Variants in RTN4RL1 observed in about 807,000 individuals in gnomAD.
RTN4RL1 encodes reticulon-4 receptor-like 1.
Under a neutral mutation model 25.6 loss-of-function variants are expected in RTN4RL1, and 7 were observed. That is an observed-to-expected ratio of 0.27 (90% CI 0.16 to 0.51). RTN4RL1 has a LOEUF of 0.51. Ranked by LOEUF, RTN4RL1 falls within the 20% of genes least tolerant of loss-of-function variation. The pLI, the probability that RTN4RL1 is intolerant of heterozygous loss-of-function variation, is 0.97. For missense variants in RTN4RL1, 500 were observed against 615.6 expected, an observed-to-expected ratio of 0.81 and a Z score of 1.99; for synonymous variants, 297 against 288.2, an observed-to-expected ratio of 1.03 and a Z score of -0.31.
chr17:1,999,068 C>G (rs1322233261), intron 1 of RTN4RL1, among the ~76,000 whole-genome samples: 1 of 150,140 alleles, frequency 6.7e-6, no homozygotes, highest in Non-Finnish European at 1.5e-5. Context: ...GCTGCTCACG[C>G]CAGTCTACAC....
chr17:1,937,127 C>G lies in RTN4RL1; in HGVS notation c.695G>C (p.Ser232Thr), dbSNP rs565712676. ...RLTTLFLFNN[S>T]LSELQGECLA... ...GCACTCACCCTGCAGCTCCGAGAGG[C>G]TGTTGTTGAAGAGGAAGAGGGTGGT... Residue 232 changes from serine to threonine, a missense_variant, in exon 2 of 2, where the codon AGC becomes ACC. Ser to Thr is a moderately conservative substitution (Grantham distance 58). Coordinates refer to ENST00000331238, the MANE Select transcript of RTN4RL1 (RefSeq NM_178568.4). 3 of 1,610,872 alleles carry G rather than the reference C, an allele frequency of 1.9e-6. No homozygotes were observed. The highest frequency in any genetic ancestry group is 2.2e-5 in the South Asian group (2 of 90,720).
At chr17:1,967,556 G>A (rs1020615409) in intron 1 of RTN4RL1, among the ~76,000 whole-genome samples, 4 of 150,610 alleles carry the variant, frequency 2.7e-5, no homozygotes, top group African/African-American at 7.3e-5. Context: ...CTCCCTCTTC[G>A]AGCCCTACAC....
At chr17:1,953,436 G>A (rs1915724881) in intron 1 of RTN4RL1, among the ~76,000 whole-genome samples, 2 of 152,162 alleles carry the variant, frequency 1.3e-5, no homozygotes, top group South Asian at 4.1e-4. Flanking sequence ...ATAGCATTAG[G>A]AGATATACCT....
intron 1 of RTN4RL1, among the ~76,000 whole-genome samples, chr17:1,978,105 G>A (rs372704223): frequency 5.3e-5 from 8 of 152,352 alleles, no homozygotes; most frequent in African/African-American, 1.9e-4. Flanking sequence ...GCACTCTCGG[G>A]GAGGGAGGAA....
At chr17:1,961,174 A>T (rs1042954423) in intron 1 of RTN4RL1, among the ~76,000 whole-genome samples, 1 of 152,232 alleles carries the variant, frequency 6.6e-6, no homozygotes, top group South Asian at 2.1e-4. Context: ...ACTCGGATGA[A>T]GCCATCTACA....
intron 1 of RTN4RL1, among the ~76,000 whole-genome samples, chr17:2,007,374 A>T (rs187731276): frequency 7.0e-5 from 10 of 142,486 alleles, no homozygotes; most frequent in Non-Finnish European, 1.2e-4. Context: ...ACACACACAC[A>T]CTCTTCCTCT....
In RTN4RL1 at chr17:2,025,152, T is replaced by C. The variant is rs2067255124; in HGVS notation, c.-287A>G. ...CTCCGCGGAGCCGGCGGCCTGCTTC[T>C]GCCACCCGGAGCACTTCGCAGGCGG... On this transcript the variant is annotated 5_prime_UTR_variant, in exon 1 of 2. Transcript: ENST00000331238. This position sits in a 1 kb window ranked among gnomAD's most constrained non-coding sequence, Gnocchi z 4.8. The C allele has an allele frequency of 1.0e-5, 3 of 299,658 alleles. No individual in the cohort carries two copies. Among genetic ancestry groups the C allele is most frequent in the African/African-American group, 6.6e-5 (3 of 45,386 alleles). 18.6% of individuals were successfully genotyped at this position (299,658 alleles called of 1,614,324 possible).
At chr17:1,960,056 C>T (rs889895137) in intron 1 of RTN4RL1, among the ~76,000 whole-genome samples, 4 of 152,208 alleles carry the variant, frequency 2.6e-5, no homozygotes, top group Non-Finnish European at 5.9e-5. Context: ...TGTAGCATTT[C>T]GGCTGCTCAA....
chr17:1,939,739 C>T (rs576405105), intron 1 of RTN4RL1, among the ~76,000 whole-genome samples: 2 of 152,348 alleles, frequency 1.3e-5, no homozygotes, highest in African/African-American at 2.4e-5. Flanking sequence ...TCATTACGGA[C>T]GATCGTCATT....
intron 1 of RTN4RL1, among the ~76,000 whole-genome samples, chr17:2,000,602 C>T (rs766537962): frequency 6.6e-6 from 1 of 152,086 alleles, no homozygotes; most frequent in Non-Finnish European, 1.5e-5. Flanking sequence ...CTCGGCTCAC[C>T]TCCGTCTCCC....
chr17:1,945,637 CA>C (rs1231484015), intron 1 of RTN4RL1, among the ~76,000 whole-genome samples: 2 of 152,236 alleles, frequency 1.3e-5, no homozygotes, highest in Admixed American at 6.5e-5. Context: ...CGTTGTGAGC[CA>C]CCACGCCCGG....
chr17:1,950,789 T>C (rs1044931274), intron 1 of RTN4RL1, among the ~76,000 whole-genome samples: 25 of 127,192 alleles, frequency 2.0e-4, no homozygotes, highest in Non-Finnish European at 2.3e-4. Context: ...GGGGTTGCAA[T>C]GAGCTGAGGT....
chr17:2,022,798 G>T (rs1197151511), intron 1 of RTN4RL1, among the ~76,000 whole-genome samples: 1 of 152,228 alleles, frequency 6.6e-6, no homozygotes, highest in Non-Finnish European at 1.5e-5. Context: ...AAACCTATCG[G>T]TGGAACCTCT....
intron 1 of RTN4RL1, among the ~76,000 whole-genome samples, chr17:1,964,778 CTTTT>C (rs2066781830): frequency 7.3e-6 from 1 of 137,046 alleles, no homozygotes; most frequent in Non-Finnish European, 1.6e-5. Context: ...GTTTGCATTT[CTTTT>C]CTTTTCTTTT....
intron 1 of RTN4RL1, among the ~76,000 whole-genome samples, chr17:1,953,057 G>C (rs1915719137): frequency 6.6e-6 from 1 of 151,534 alleles, no homozygotes; most frequent in Non-Finnish European, 1.5e-5. Flanking sequence ...GGGTGACAGA[G>C]TGAGATCTAG....
intron 1 of RTN4RL1, among the ~76,000 whole-genome samples, chr17:2,007,597 C>T (rs1375522118): frequency 6.6e-6 from 1 of 152,138 alleles, no homozygotes; most frequent in African/African-American, 2.4e-5. Flanking sequence ...TAACAGTGGT[C>T]TTGCCAACCT....
intron 1 of RTN4RL1, among the ~76,000 whole-genome samples, chr17:1,993,801 C>T (rs748445617): frequency 3.3e-5 from 5 of 151,912 alleles, no homozygotes; most frequent in Non-Finnish European, 5.9e-5. Context: ...AAAAAAATTC[C>T]GATAACAAAA....
At position 1,936,142 on chromosome 17, in the gene RTN4RL1, G is replaced by A. The variant is rs541210133; in HGVS notation, c.*354C>T. 9.3e-5 allele frequency: 100 copies of A among 1,080,730 alleles called. 1 individual carries two copies. The South Asian group carries it at 1.1e-3, about 12-fold the overall frequency. The allele number at this position is 1,080,730 out of a possible 1,614,324, so 66.9% of individuals were successfully genotyped here. A position where few individuals can be genotyped will look rare whatever the true frequency, so the allele number is the denominator to read the frequency against. On this transcript the variant is annotated 3_prime_UTR_variant, in exon 2 of 2. Coordinates refer to ENST00000331238, the MANE Select transcript of RTN4RL1 (RefSeq NM_178568.4). ...CGGGGCCCTCCAGACCTCTCGGAACGATCGGGATTCCACAGAGCCCCGGTG... is the reference window on the plus strand; with the variant it reads ...CGGGGCCCTCCAGACCTCTCGGAACAATCGGGATTCCACAGAGCCCCGGTG...
At chr17:1,983,325 C>T (rs1334513592) in intron 1 of RTN4RL1, among the ~76,000 whole-genome samples, 12 of 151,796 alleles carry the variant, frequency 7.9e-5, no homozygotes, top group African/African-American at 2.2e-4. Context: ...GGATGACAGG[C>T]GTGAGCCGCC....
Sources: allele counts gnomAD v4.1 joint callset (sites outside exome capture counted in the v4.1 genomes callset), GRCh38; gene constraint gnomAD v4.1.1; non-coding constraint Gnocchi (gnomAD v3.1); transcripts MANE v1.5; gene names NCBI Gene and HGNC (gene_info 2026-07-23, HGNC 2026-07-21).